The following ATP11A variants were observed in gnomAD, a reference collection of about 807,000 sequenced individuals.
The protein encoded by ATP11A is ATPase phospholipid transporting 11A.
In ATP11A, 81 loss-of-function variants were observed where a neutral mutation model predicts 154.4. That is an observed-to-expected ratio of 0.52 (90% CI 0.44 to 0.63). The LOEUF is 0.63. Among genes scored for constraint, ATP11A ranks in the 30% least tolerant of loss-of-function variants. The probability of loss-of-function intolerance (pLI) is 0.00; values close to 1 mark genes in which losing one functional copy is unlikely to be tolerated. For missense variants in ATP11A, 1,316 were observed against 1,474.3 expected, an observed-to-expected ratio of 0.89 and a Z score of 1.76; for synonymous variants, 623 against 585.9, an observed-to-expected ratio of 1.06 and a Z score of -0.91.
chr13:112,795,451 T>C (rs1393134557), intron 2 of ATP11A, among the ~76,000 whole-genome samples: 1 of 152,216 alleles, frequency 6.6e-6, no homozygotes, highest in Non-Finnish European at 1.5e-5. Context: ...ACTGTCACAG[T>C]TCCCAGCTTG....
chr13:112,765,861 G>A (rs534906667), intron 1 of ATP11A, among the ~76,000 whole-genome samples: 4 of 152,336 alleles, frequency 2.6e-5, no homozygotes, highest in South Asian at 4.1e-4. Context: ...ACGACCTCCC[G>A]TAAAGCAGCC....
rs536598110 is a variant in ATP11A at position 112,882,500 on chromosome 13, G to C, written c.*634G>C. On this transcript the variant is annotated 3_prime_UTR_variant, in exon 30 of 30. Coordinates refer to ENST00000375645, the MANE Select transcript of ATP11A (RefSeq NM_015205.3). This position sits in a 1 kb window ranked among gnomAD's most constrained non-coding sequence, Gnocchi z 5.1. ...CTCCAATCCGGATGCTGTGGGAAGG[G>C]CCGGGTCACTCGGATACCATCATCC... 17 of 465,344 alleles carry C rather than the reference G, an allele frequency of 3.7e-5. No individual in the cohort carries two copies. The South Asian group carries it at 9.3e-4, about 26-fold the overall frequency. 28.8% of individuals were successfully genotyped at this position (465,344 alleles called of 1,614,324 possible).
chr13:112,826,598 A>T, intron 11 of ATP11A, 96 bp from the exon 12 acceptor site: 1 of 1,009,488 alleles, frequency 9.9e-7, no homozygotes, highest in Non-Finnish European at 1.6e-6. Context: ...TAGCGCTCGT[A>T]TAACTTATGC....
intron 1 of ATP11A, among the ~76,000 whole-genome samples, chr13:112,747,984 C>T (rs538391896): frequency 2.0e-5 from 3 of 152,348 alleles, no homozygotes; most frequent in East Asian, 3.8e-4. Flanking sequence ...ACTTTTCAAG[C>T]ACCAGCATGA....
At chr13:112,718,671 C>CTT (rs35646090) in intron 1 of ATP11A, among the ~76,000 whole-genome samples, 4,243 of 134,584 alleles carry the variant, frequency 0.032, 99 homozygotes, top group Non-Finnish European at 0.043. Flanking sequence ...GCAGGCTGCA[C>CTT]TTTTTTTTTT....
intron 12 of ATP11A, 42 bp from the exon 13 acceptor site, chr13:112,831,333 G>T (rs759120108): frequency 1.9e-6 from 3 of 1,599,162 alleles, no homozygotes; most frequent in Non-Finnish European, 2.6e-6. Context: ...GGACGTGCGG[G>T]CCTCCCTCAG....
chr13:112,834,549 G>A, intron 14 of ATP11A, 40 bp from the exon 15 acceptor site: 2 of 1,347,088 alleles, frequency 1.5e-6, no homozygotes, highest in Non-Finnish European at 2.1e-6. Flanking sequence ...AGGAACATCA[G>A]AATCTCAGAT....
At chr13:112,801,544 C>T (rs2078132070) in intron 2 of ATP11A, among the ~76,000 whole-genome samples, 1 of 152,156 alleles carries the variant, frequency 6.6e-6, no homozygotes, top group Non-Finnish European at 1.5e-5. Flanking sequence ...CAGAAAATCC[C>T]AAAGAACCAA....
chr13:112,711,261 G>A (rs1271877862), intron 1 of ATP11A, among the ~76,000 whole-genome samples: 1 of 152,166 alleles, frequency 6.6e-6, no homozygotes, highest in African/African-American at 2.4e-5. Flanking sequence ...GCTTAAAAAA[G>A]TGGCTTGAAG....
At chr13:112,854,256 G>T in intron 18 of ATP11A, 23 bp from the exon 19 acceptor site, 1 of 1,612,664 alleles carries the variant, frequency 6.2e-7, no homozygotes, top group Non-Finnish European at 8.5e-7. Context: ...TCTCTATGCT[G>T]TGTTTGGTTT....
chr13:112,881,679 G>T (rs1021659486), intron 29 of ATP11A, 197 bp from the exon 30 acceptor site: 1 of 1,242,194 alleles, frequency 8.1e-7, no homozygotes, highest in African/African-American at 1.5e-5. Context: ...CCCTCAGGAC[G>T]AGGGTGTGTC....
chr13:112,841,537 C>T (rs544163536), intron 16 of ATP11A, among the ~76,000 whole-genome samples: 70 of 150,388 alleles, frequency 4.7e-4, no homozygotes, highest in African/African-American at 1.5e-3. Flanking sequence ...AGGGATACTT[C>T]AGGTGCAGAG....
intron 1 of ATP11A, among the ~76,000 whole-genome samples, chr13:112,764,203 G>A (rs774325107): frequency 2.0e-5 from 3 of 152,168 alleles, no homozygotes; most frequent in Non-Finnish European, 4.4e-5. Context: ...GTCCTGGCAC[G>A]GTGGTGCCTC....
At chr13:112,827,508 G>A (rs1039532353) in intron 12 of ATP11A, among the ~76,000 whole-genome samples, 2 of 152,220 alleles carry the variant, frequency 1.3e-5, no homozygotes, top group Non-Finnish European at 2.9e-5. Flanking sequence ...ACCACCGGGA[G>A]GCACACACCA....
At chr13:112,723,783 T>G (rs925844399) in intron 1 of ATP11A, among the ~76,000 whole-genome samples, 10 of 152,046 alleles carry the variant, frequency 6.6e-5, no homozygotes, top group African/African-American at 2.4e-4. Flanking sequence ...GTTTGCAAGT[T>G]GAATGTCTAG....
rs188156054 is a variant in ATP11A at position 112,785,833 on chromosome 13, G to A, written c.162+576G>A. Among the ~76,000 whole-genome samples, 13 of 152,348 alleles carry A rather than the reference G, an allele frequency of 8.5e-5. No individual in the cohort carries two copies. The highest frequency in any genetic ancestry group is 3.1e-4 in the African/African-American group (13 of 41,578). ...TGCACACACATTTCCCACGTTCAGA[G>A]AGTGACCTGGAAACAGGTCTTAAGA... is the stretch of plus-strand genomic sequence containing the variant. On this transcript the variant is annotated intron_variant, in intron 2 of 29. Transcript: ENST00000375645. This position sits in a 1 kb window ranked among gnomAD's most constrained non-coding sequence, Gnocchi z 4.8.
At chr13:112,692,106 A>G (rs1383661584) in intron 1 of ATP11A, among the ~76,000 whole-genome samples, 1 of 152,194 alleles carries the variant, frequency 6.6e-6, no homozygotes, top group East Asian at 1.9e-4. Flanking sequence ...CTGCAGTGTA[A>G]GAGAAATGCT....
chr13:112,745,966 CTCTG>C (rs1157310309), intron 1 of ATP11A: 2 of 152,230 alleles, frequency 1.3e-5, no homozygotes, highest in African/African-American at 2.4e-5. Flanking sequence ...GTTCTGCTTT[CTCTG>C]TCTGTGATTT....
intron 2 of ATP11A, among the ~76,000 whole-genome samples, chr13:112,791,628 G>A (rs2077860661): frequency 6.6e-6 from 1 of 152,192 alleles, no homozygotes; most frequent in Non-Finnish European, 1.5e-5. Flanking sequence ...TGTCATTCAA[G>A]TTTTGTCCTT....
Sources: allele counts gnomAD v4.1 joint callset (sites outside exome capture counted in the v4.1 genomes callset), GRCh38; gene constraint gnomAD v4.1.1; non-coding constraint Gnocchi (gnomAD v3.1); transcripts MANE v1.5; gene names NCBI Gene and HGNC (gene_info 2026-07-23, HGNC 2026-07-21).